Variants in R3HDM1 observed in about 807,000 individuals in gnomAD.
R3HDM1 encodes the protein R3H domain-containing protein 1.
A neutral mutation model predicts 141.1 loss-of-function variants in R3HDM1; 46 were observed. The ratio of observed to expected loss-of-function variants is 0.33; its 90% confidence interval spans 0.26 to 0.42. The LOEUF (loss-of-function observed/expected upper bound fraction) is 0.42. Ranked by LOEUF, R3HDM1 falls within the 10% of genes least tolerant of loss-of-function variation. The pLI, the probability that R3HDM1 is intolerant of heterozygous loss-of-function variation, is 1.00. For synonymous variants in R3HDM1, 435 were observed against 472.9 expected, an observed-to-expected ratio of 0.92 and a Z score of 1.04; for missense variants, 1,184 against 1,368.3, an observed-to-expected ratio of 0.87 and a Z score of 2.12.
Position 135,616,175 on chromosome 2 carries a change from G to A in R3HDM1, c.195G>A (p.Gln65=). ...AGCGGCCATTGCAGTCATTTGGACA[G>A]ACAGGAAAAAGGTCTAAGGTATAGT... is the stretch of plus-strand genomic sequence containing the variant. The part of the protein sequence containing the change: ...DLQRPLQSFG[Q]TGKRSKSSSK... Residue 65 remains glutamine (Q), a synonymous_variant, in exon 4 of 27, where the codon CAG becomes CAA. Transcript: ENST00000683871. 6.2e-7 allele frequency: 1 copy of A among 1,613,192 alleles called. No individual in the cohort carries two copies. The highest frequency in any genetic ancestry group is 8.5e-7 in the Non-Finnish European group (1 of 1,179,208).
chr2:135,578,735 G>C (rs1465448095), intron 1 of R3HDM1, among the ~76,000 whole-genome samples: 1 of 152,192 alleles, frequency 6.6e-6, no homozygotes, highest in African/African-American at 2.4e-5. Context: ...AGTAGTAAAT[G>C]TGTTTCTCAC....
At chr2:135,583,115 A>G in intron 1 of R3HDM1, among the ~76,000 whole-genome samples, 1 of 152,214 alleles carries the variant, frequency 6.6e-6, no homozygotes, top group Non-Finnish European at 1.5e-5. Flanking sequence ...CATTTAATAT[A>G]CCAACCATGT....
chr2:135,712,452 T>TA (rs1491504137), intron 23 of R3HDM1, among the ~76,000 whole-genome samples: 4 of 124,086 alleles, frequency 3.2e-5, no homozygotes, highest in Admixed American at 1.6e-4. Flanking sequence ...TTTTTTTTTT[T>TA]ATAGAGATGG....
rs966477457 is a variant in R3HDM1, at chr2:135,641,631, G to T, written c.1315G>T (p.Gly439Cys). 5.6e-6 allele frequency: 9 copies of T among 1,614,058 alleles called. No individual in the cohort carries two copies. Among genetic ancestry groups the T allele is most frequent in the Non-Finnish European group, 7.6e-6 (9 of 1,180,020 alleles). ...TACAGCTCTCAGCCAGTCTTCTCAT[G>T]GCGCACCTGTCGTCTATCCAACTGT... ...PGTALSQSSH[G>C]APVVYPTVST... The change falls in exon 15 of 27, where the codon GGC becomes TGC. Residue 439 changes from glycine to cysteine, a missense_variant. By Grantham distance (159) the Gly-to-Cys change is radical (BLOSUM62 -3). This residue lies in a region of R3HDM1 where 240 missense variants were observed against 312.3 expected (regional missense o/e 0.77). Transcript: ENST00000683871.
chr2:135,694,690 G>C (rs1037722484), intron 21 of R3HDM1, among the ~76,000 whole-genome samples: 2 of 152,220 alleles, frequency 1.3e-5, no homozygotes, highest in Non-Finnish European at 2.9e-5. Context: ...GAGTCTCTGA[G>C]TTAGGAGATG....
intron 21 of R3HDM1, among the ~76,000 whole-genome samples, chr2:135,681,379 G>A (rs1032814750): frequency 6.6e-5 from 10 of 152,090 alleles, no homozygotes; most frequent in Admixed American, 6.6e-4. Context: ...TAGGGCTTGT[G>A]GGTACTTAAT....
intron 1 of R3HDM1, among the ~76,000 whole-genome samples, chr2:135,573,759 T>C (rs549747839): frequency 1.3e-5 from 2 of 152,200 alleles, no homozygotes; most frequent in African/African-American, 4.8e-5. Context: ...ACCACAAAGT[T>C]ACAGGATTCA....
chr2:135,540,485 C>T (rs1318655705), intron 1 of R3HDM1, among the ~76,000 whole-genome samples: 8 of 152,220 alleles, frequency 5.3e-5, no homozygotes, highest in Non-Finnish European at 4.4e-5. Flanking sequence ...GAGTGTAGTG[C>T]TGCTGTCATA....
At chr2:135,719,394 C>G (rs1450254463) in intron 24 of R3HDM1, among the ~76,000 whole-genome samples, 1 of 151,486 alleles carries the variant, frequency 6.6e-6, no homozygotes, top group South Asian at 2.1e-4. Context: ...AAGAGAATCG[C>G]TTGAACCTGG....
chr2:135,677,445 G>A (rs1450092800), intron 20 of R3HDM1, among the ~76,000 whole-genome samples: 2 of 152,036 alleles, frequency 1.3e-5, no homozygotes, highest in African/African-American at 4.8e-5. Context: ...CAAAGACTCT[G>A]GTTCTACTAT....
chr2:135,721,656 C>A (rs2076708485), intron 24 of R3HDM1: 1 of 313,384 alleles, frequency 3.2e-6, no homozygotes, highest in South Asian at 3.7e-5. Context: ...GGCGCCATCT[C>A]AGCTCACTGC....
At chr2:135,571,208 A>G (rs1704021527) in intron 1 of R3HDM1, among the ~76,000 whole-genome samples, 1 of 152,308 alleles carries the variant, frequency 6.6e-6, no homozygotes, top group Admixed American at 6.5e-5. Flanking sequence ...ATAGGATGCC[A>G]TCAAGAAAGT....
chr2:135,623,893 C>T (rs2061740197), intron 7 of R3HDM1, among the ~76,000 whole-genome samples: 1 of 152,192 alleles, frequency 6.6e-6, no homozygotes, highest in South Asian at 2.1e-4. Context: ...AGAAGGGCCA[C>T]AACCTCTGAA....
At chr2:135,632,774 C>T (rs78706475) in intron 9 of R3HDM1, among the ~76,000 whole-genome samples, 213 of 152,284 alleles carry the variant, frequency 1.4e-3, no homozygotes, top group African/African-American at 4.9e-3. Context: ...TGATATGAGG[C>T]AGCAACAAGT....
chr2:135,555,216 G>A (rs1700509604), intron 1 of R3HDM1, among the ~76,000 whole-genome samples: 1 of 150,684 alleles, frequency 6.6e-6, no homozygotes, highest in Non-Finnish European at 1.5e-5. Context: ...AGAATTGCTT[G>A]AACCCAGGAG....
At chr2:135,583,853 T>A in intron 1 of R3HDM1, 10 of 985,450 alleles carry the variant, frequency 1.0e-5, no homozygotes, top group Non-Finnish European at 1.2e-5. Flanking sequence ...GATAATTAAA[T>A]TTCTGATGTT....
chr2:135,715,673 A>C lies in R3HDM1; in HGVS notation c.2860A>C (p.Arg954=). ...PPLSIMPQFS[R]PFVPGQGDSR... ...ACTTTCCATCATGCCCCAATTTTCTAGACCTTTTGTCCCCGGGCAAGGTAA... is the reference window on the plus strand; with the variant it reads ...ACTTTCCATCATGCCCCAATTTTCTCGACCTTTTGTCCCCGGGCAAGGTAA... The change falls in exon 24 of 27, where the codon AGA becomes CGA. Residue 954 remains arginine (R), a synonymous_variant. Coordinates refer to ENST00000683871, the MANE Select transcript of R3HDM1 (RefSeq NM_001378107.1). The C allele has an allele frequency of 6.2e-7, 1 of 1,613,714 alleles. No individual in the cohort carries two copies. The highest frequency in any genetic ancestry group is 1.1e-5 in the South Asian group (1 of 90,946).
chr2:135,722,047 A>C, intron 25 of R3HDM1, 41 bp downstream of exon 25: 1 of 1,566,648 alleles, frequency 6.4e-7, no homozygotes, highest in South Asian at 1.1e-5. Flanking sequence ...GTTGCAGAAC[A>C]TCATAGCTCC....
At chr2:135,580,246 C>CAT (rs1706490865) in intron 1 of R3HDM1, among the ~76,000 whole-genome samples, 2 of 152,236 alleles carry the variant, frequency 1.3e-5, no homozygotes, top group East Asian at 1.9e-4. Flanking sequence ...GACACCCTGT[C>CAT]TCTAAATAAA....
Sources: gnomAD v4.1 joint callset for allele counts (sites outside exome capture counted in the v4.1 genomes callset) on GRCh38, gnomAD v4.1.1 for gene constraint, gnomAD v4.1.1 regional missense constraint, MANE v1.5 for transcripts, NCBI Gene and HGNC (gene_info 2026-07-23, HGNC 2026-07-21) for gene names.